UNC13C: variants seen among roughly 807,000 people sequenced by gnomAD.
The protein encoded by UNC13C is protein unc-13 homolog C.
A neutral mutation model predicts 245.4 loss-of-function variants in UNC13C; 174 were observed. The ratio of observed to expected loss-of-function variants is 0.71; its 90% confidence interval spans 0.63 to 0.80. The LOEUF (loss-of-function observed/expected upper bound fraction) is 0.80, where lower values mean the gene tolerates loss of function less well. Among genes scored for constraint, UNC13C ranks in the 30% least tolerant of loss-of-function variants. The pLI, the probability that UNC13C is intolerant of heterozygous loss-of-function variation, is 0.00. For synonymous variants in UNC13C, 992 were observed against 895.1 expected, an observed-to-expected ratio of 1.11 and a Z score of -1.93; for missense variants, 2,829 against 2,602.9, an observed-to-expected ratio of 1.09 and a Z score of -1.89.
intron 2 of UNC13C, among the ~76,000 whole-genome samples, chr15:54,076,267 C>T: frequency 8.7e-6 from 1 of 115,036 alleles, no homozygotes; most frequent in Non-Finnish European, 1.7e-5. Flanking sequence ...CCTCCCCCCA[C>T]CCCACCACAG....
chr15:54,293,600 C>A (rs1472341974), intron 10 of UNC13C, among the ~76,000 whole-genome samples: 1 of 151,872 alleles, frequency 6.6e-6, no homozygotes, highest in Non-Finnish European at 1.5e-5. Context: ...GGAAATATGG[C>A]ATAAGTGAAA....
At chr15:54,380,721 G>T (rs144139007) in intron 17 of UNC13C, among the ~76,000 whole-genome samples, 1 of 152,094 alleles carries the variant, frequency 6.6e-6, no homozygotes, top group Non-Finnish European at 1.5e-5. Context: ...ATGATGCTGA[G>T]CATTTTTCTG....
chr15:54,236,366 T>C, intron 5 of UNC13C, 64 bp from the exon 6 acceptor site: 2 of 1,323,556 alleles, frequency 1.5e-6, no homozygotes, highest in Non-Finnish European at 2.1e-6. Context: ...TGTTATACTC[T>C]TTTCCTACCT....
At chr15:54,142,423 A>G (rs1224845115) in intron 2 of UNC13C, among the ~76,000 whole-genome samples, 1 of 152,202 alleles carries the variant, frequency 6.6e-6, no homozygotes, top group Non-Finnish European at 1.5e-5. Context: ...TAATCAAGTC[A>G]CTTAACCTCT....
intron 1 of UNC13C, among the ~76,000 whole-genome samples, chr15:54,010,773 C>T (rs1004268998): frequency 6.6e-6 from 1 of 151,858 alleles, no homozygotes; most frequent in South Asian, 2.1e-4. Context: ...TGACAGTGTT[C>T]CTTACTAAGG....
the UNC13C span, among the ~76,000 whole-genome samples, chr15:53,922,773 T>C: frequency 6.6e-6 from 1 of 152,226 alleles, no homozygotes; most frequent in African/African-American, 2.4e-5. Flanking sequence ...TTATTTGCAG[T>C]ATTTTTAATT....
chr15:54,111,108 T>A (rs1458122334), intron 2 of UNC13C, among the ~76,000 whole-genome samples: 1 of 152,220 alleles, frequency 6.6e-6, no homozygotes, highest in Non-Finnish European at 1.5e-5. Flanking sequence ...AATTGCTATG[T>A]TGGTAAATTA....
intron 1 of UNC13C, among the ~76,000 whole-genome samples, chr15:53,992,595 T>C (rs1894441035): frequency 6.6e-6 from 1 of 152,102 alleles, no homozygotes; most frequent in African/African-American, 2.4e-5. Flanking sequence ...TCCTATCCCG[T>C]GACTCACAGT....
At chr15:54,181,336 C>G (rs1444669210) in intron 4 of UNC13C, among the ~76,000 whole-genome samples, 1 of 152,056 alleles carries the variant, frequency 6.6e-6, no homozygotes, top group African/African-American at 2.4e-5. Flanking sequence ...TCTGGGTTCT[C>G]TCTTCTGTTC....
At chr15:54,454,441 G>A (rs1596403444) in intron 19 of UNC13C, among the ~76,000 whole-genome samples, 2 of 151,980 alleles carry the variant, frequency 1.3e-5, no homozygotes, top group African/African-American at 2.4e-5. Context: ...AGCCGGGCGT[G>A]TTGGCGGGCA....
intron 25 of UNC13C, among the ~76,000 whole-genome samples, chr15:54,530,438 G>C (rs972757879): frequency 7.2e-5 from 11 of 152,184 alleles, no homozygotes; most frequent in African/African-American, 2.7e-4. Context: ...CCTGTGCCAT[G>C]GTATGGGCAT....
At chr15:54,487,560 A>G (rs1893478353) in intron 19 of UNC13C, among the ~76,000 whole-genome samples, 1 of 152,026 alleles carries the variant, frequency 6.6e-6, no homozygotes. Flanking sequence ...TGAGGTCAGG[A>G]GTTTGGGACC....
At chr15:54,404,194 T>C (rs936442242) in intron 18 of UNC13C, among the ~76,000 whole-genome samples, 2 of 152,212 alleles carry the variant, frequency 1.3e-5, no homozygotes, top group Admixed American at 1.3e-4. Context: ...CAGAGAACCA[T>C]TGCTTACTTA....
intron 13 of UNC13C, chr15:54,321,167 G>T: frequency 1.9e-6 from 1 of 517,474 alleles, no homozygotes; most frequent in Non-Finnish European, 3.8e-6. Context: ...TCACAGTTGT[G>T]GCCATTCACA....
chr15:54,595,417 A>T lies in UNC13C; in HGVS notation c.6107-26910A>T, dbSNP rs728324. Among the ~76,000 whole-genome samples the T allele has an allele frequency of 6.6e-5, 10 of 152,138 alleles. No homozygotes were observed. The East Asian group carries it at 1.9e-3, about 29-fold the overall frequency. Reference sequence around the variant, plus strand: ...CTACTCCCAAAGATGCAGCACTCAAAGTATTTGGGGTGTCGCCCGGTCCCT... The same window carrying T: ...CTACTCCCAAAGATGCAGCACTCAATGTATTTGGGGTGTCGCCCGGTCCCT... On this transcript the variant is annotated intron_variant, in intron 30 of 32. Coordinates refer to ENST00000260323, the MANE Select transcript of UNC13C (RefSeq NM_001080534.3).
the UNC13C span, among the ~76,000 whole-genome samples, chr15:53,844,201 G>A: frequency 6.6e-6 from 1 of 152,122 alleles, no homozygotes; most frequent in Non-Finnish European, 1.5e-5. Flanking sequence ...CATGTTTGTT[G>A]CAAATCAGAG....
chr15:54,484,398 G>A (rs933026440), intron 19 of UNC13C, among the ~76,000 whole-genome samples: 11 of 152,156 alleles, frequency 7.2e-5, no homozygotes, highest in African/African-American at 2.4e-4. Context: ...ATTGAGACAT[G>A]ATACATTAGG....
intron 1 of UNC13C, among the ~76,000 whole-genome samples, chr15:54,006,320 A>G (rs1209074584): frequency 6.6e-6 from 1 of 152,254 alleles, no homozygotes; most frequent in East Asian, 1.9e-4. Flanking sequence ...CTAGAATTAA[A>G]GAGTATGCTT....
intron 7 of UNC13C, among the ~76,000 whole-genome samples, chr15:54,238,577 A>G (rs1475426216): frequency 6.6e-6 from 1 of 152,234 alleles, no homozygotes; most frequent in African/African-American, 2.4e-5. Flanking sequence ...CTTAACATTC[A>G]GCATAGCTTA....
Sources: gnomAD v4.1 joint callset for allele counts (sites outside exome capture counted in the v4.1 genomes callset) on GRCh38, gnomAD v4.1.1 for gene constraint, MANE v1.5 for transcripts, NCBI Gene and HGNC (gene_info 2026-07-23, HGNC 2026-07-21) for gene names.